TACR3: variants seen among roughly 807,000 people sequenced by gnomAD.
The protein encoded by TACR3 is neuromedin-K receptor.
TACR3 carries 34 observed loss-of-function variants against 35.0 expected under a neutral mutation model. The ratio of observed to expected loss-of-function variants is 0.97; its 90% CI spans 0.74 to 1.30. TACR3 has a LOEUF of 1.30. Among genes scored for constraint, TACR3 ranks in the 50% most tolerant of loss-of-function variants. The pLI is 0.00. For missense variants in TACR3, 558 were observed against 591.7 expected, an observed-to-expected ratio of 0.94 and a Z score of 0.59; for synonymous variants, 233 against 221.1, an observed-to-expected ratio of 1.05 and a Z score of -0.48.
rs750366001 is a variant in TACR3, at chr4:103,588,277, T to G, written c.*1405A>C. 3 of 151,898 alleles carry G rather than the reference T, an allele frequency of 2.0e-5. No individual in the cohort carries two copies. The highest frequency in any genetic ancestry group is 4.4e-5 in the Non-Finnish European group (3 of 67,956). 9.4% of individuals were successfully genotyped at this position (151,898 alleles called of 1,614,324 possible). ...TATCTTTAAAAATCAAACTGAAGAGTTTAAAGGAGAAGTTTGTACTACACA... is the reference window on the plus strand; with the variant it reads ...TATCTTTAAAAATCAAACTGAAGAGGTTAAAGGAGAAGTTTGTACTACACA... On this transcript the variant is annotated 3_prime_UTR_variant, in exon 5 of 5. Coordinates refer to ENST00000304883, the MANE Select transcript of TACR3 (RefSeq NM_001059.3).
chr4:103,634,843 T>C (rs1169998693), intron 3 of TACR3, among the ~76,000 whole-genome samples: 1 of 152,122 alleles, frequency 6.6e-6, no homozygotes, highest in Non-Finnish European at 1.5e-5. Flanking sequence ...TCCCTTTCCA[T>C]TTCACCTTTA....
chr4:103,604,915 G>A (rs1724312439), intron 3 of TACR3, among the ~76,000 whole-genome samples: 1 of 149,984 alleles, frequency 6.7e-6, no homozygotes, highest in South Asian at 2.1e-4. Context: ...GTGCCATGCT[G>A]GTGCACTGCA....
At chr4:103,663,902 C>G (rs1284475387) in intron 1 of TACR3, among the ~76,000 whole-genome samples, 1 of 152,160 alleles carries the variant, frequency 6.6e-6, no homozygotes, top group Non-Finnish European at 1.5e-5. Flanking sequence ...AAATAATTGT[C>G]AGTGCTTTAT....
chr4:103,686,103 T>A (rs750673818), intron 1 of TACR3, among the ~76,000 whole-genome samples: 6 of 152,176 alleles, frequency 3.9e-5, no homozygotes, highest in African/African-American at 1.4e-4. Flanking sequence ...TTTAACAGGA[T>A]GATTCAGGGG....
At chr4:103,617,093 C>T (rs964002540) in intron 3 of TACR3, among the ~76,000 whole-genome samples, 1 of 152,100 alleles carries the variant, frequency 6.6e-6, no homozygotes, top group African/African-American at 2.4e-5. Context: ...TGCTACTTCA[C>T]AATGTTCACT....
chr4:103,665,691 G>C (rs961742131), intron 1 of TACR3, among the ~76,000 whole-genome samples: 1 of 152,078 alleles, frequency 6.6e-6, no homozygotes, highest in African/African-American at 2.4e-5. Flanking sequence ...AATTTCCCTT[G>C]AAGTAACGTT....
chr4:103,636,194 G>C (rs1217115959), intron 3 of TACR3, among the ~76,000 whole-genome samples: 2 of 151,918 alleles, frequency 1.3e-5, no homozygotes, highest in African/African-American at 4.8e-5. Flanking sequence ...TTTATGTATT[G>C]TTTTAGTATG....
chr4:103,695,401 A>T (rs1578260944), intron 1 of TACR3, among the ~76,000 whole-genome samples: 1 of 152,166 alleles, frequency 6.6e-6, no homozygotes, highest in African/African-American at 2.4e-5. Context: ...ACTCAACAAG[A>T]TGATGAGAAT....
intron 1 of TACR3, among the ~76,000 whole-genome samples, chr4:103,713,623 A>G (rs918708688): frequency 2.0e-5 from 3 of 150,656 alleles, no homozygotes; most frequent in Admixed American, 6.6e-5. Flanking sequence ...AAGTATAATA[A>G]TAATAATAAT....
intron 1 of TACR3, among the ~76,000 whole-genome samples, chr4:103,710,158 T>G (rs982812682): frequency 2.6e-5 from 4 of 152,208 alleles, no homozygotes; most frequent in African/African-American, 9.6e-5. Context: ...CAAGTGGACC[T>G]AATAGACATC....
intron 1 of TACR3, among the ~76,000 whole-genome samples, chr4:103,691,353 T>A (rs1487726105): frequency 6.6e-6 from 1 of 152,146 alleles, no homozygotes; most frequent in African/African-American, 2.4e-5. Flanking sequence ...GTCTTAAAGG[T>A]TACATGTTGA....
intron 1 of TACR3, among the ~76,000 whole-genome samples, chr4:103,715,696 C>A (rs1215148033): frequency 1.3e-5 from 2 of 152,066 alleles, no homozygotes; most frequent in East Asian, 1.9e-4. Context: ...TATAATAAAA[C>A]TTCCTATAAT....
intron 3 of TACR3, among the ~76,000 whole-genome samples, chr4:103,603,749 C>T (rs987295878): frequency 6.6e-6 from 1 of 152,206 alleles, no homozygotes; most frequent in Non-Finnish European, 1.5e-5. Flanking sequence ...AATTGCCACA[C>T]TGTCTTCTAC....
At chr4:103,661,264 T>C (rs994014016) in intron 1 of TACR3, among the ~76,000 whole-genome samples, 4 of 152,168 alleles carry the variant, frequency 2.6e-5, no homozygotes. Flanking sequence ...AAAGCCTTTA[T>C]GTGTAACATT....
chr4:103,606,443 C>A (rs1724364742), intron 3 of TACR3, among the ~76,000 whole-genome samples: 1 of 152,292 alleles, frequency 6.6e-6, no homozygotes. Flanking sequence ...AATATTGATT[C>A]TTCCTATCCA....
chr4:103,650,716 TATAAATA>T lies in TACR3; in HGVS notation c.888+5471_888+5477del, dbSNP rs1560822060. 5.1e-4 allele frequency among the ~76,000 whole-genome samples: 23 copies of T among 44,968 alleles called. 1 individual carries two copies. The African/African-American group carries it at 5.8e-3, about 11-fold the overall frequency. 29.5% of individuals were successfully genotyped at this position (44,968 alleles called of 152,430 possible). On this transcript the variant is annotated intron_variant, in intron 3 of 4. Transcript: ENST00000304883. ...ATATATATTTATATATATAAATATA[TATAAATA>T]AATATATATTATATCATATATAATA...
At chr4:103,662,620 C>A (rs1350487446) in intron 1 of TACR3, among the ~76,000 whole-genome samples, 2 of 152,112 alleles carry the variant, frequency 1.3e-5, no homozygotes, top group Non-Finnish European at 2.9e-5. Context: ...AGATTCTTTA[C>A]ATAGGTAATT....
intron 1 of TACR3, among the ~76,000 whole-genome samples, chr4:103,699,227 A>C (rs933978165): frequency 3.9e-5 from 6 of 152,222 alleles, no homozygotes; most frequent in African/African-American, 1.4e-4. Flanking sequence ...GTCAGGGTCC[A>C]GAAGCAGTAT....
intron 3 of TACR3, among the ~76,000 whole-genome samples, chr4:103,608,655 A>G (rs1724440271): frequency 6.6e-6 from 1 of 152,148 alleles, no homozygotes; most frequent in Admixed American, 6.6e-5. Flanking sequence ...AAACATACTG[A>G]AAGGTGTTTG....
Sources: gnomAD v4.1 joint callset for allele counts (sites outside exome capture counted in the v4.1 genomes callset) on GRCh38, gnomAD v4.1.1 for gene constraint, MANE v1.5 for transcripts, NCBI Gene and HGNC (gene_info 2026-07-23, HGNC 2026-07-21) for gene names.